Variants in ATP10D observed in about 807,000 individuals in gnomAD.
ATP10D encodes the protein ATPase phospholipid transporting 10D (putative).
Under a neutral mutation model 144.8 loss-of-function variants are expected in ATP10D, and 89 were observed. The ratio of observed to expected loss-of-function variants is 0.61; its 90% CI spans 0.52 to 0.73. ATP10D has a LOEUF of 0.73. Ranked by LOEUF, ATP10D falls within the 30% of genes least tolerant of loss-of-function variation. The pLI is 0.00. For missense variants in ATP10D, 1,603 were observed against 1,714.8 expected, an observed-to-expected ratio of 0.93 and a Z score of 1.15; for synonymous variants, 571 against 615.1, an observed-to-expected ratio of 0.93 and a Z score of 1.06.
chr4:47,561,192 C>T (rs901982600), intron 14 of ATP10D, 117 bp downstream of exon 14: 3 of 1,320,706 alleles, frequency 2.3e-6, no homozygotes, highest in Non-Finnish European at 3.2e-6. Flanking sequence ...TTCTGCCTAC[C>T]CTGTCCAGTC....
chr4:47,550,076 T>A (rs868201743), intron 10 of ATP10D, among the ~76,000 whole-genome samples: 2 of 151,500 alleles, frequency 1.3e-5, no homozygotes, highest in African/African-American at 2.4e-5. Flanking sequence ...ACGCTTAAAA[T>A]GAGTAGAGTG....
chr4:47,576,799 C>T lies in ATP10D; in HGVS notation c.3393C>T (p.Tyr1131=). 1 of 1,614,100 alleles carries T rather than the reference C, an allele frequency of 6.2e-7. No homozygotes were observed. The highest frequency in any genetic ancestry group is 8.5e-7 in the Non-Finnish European group (1 of 1,180,004). ...CCTATGTGAACCTCCTTTTCTGGTA[C>T]CAGTTCTTTTGTGGATTTTCAGGAA... is the stretch of plus-strand genomic sequence containing the variant. ...NVAYVNLLFW[Y]QFFCGFSGTS... Residue 1131 remains tyrosine, a synonymous_variant, in exon 19 of 23, where the codon TAC becomes TAT. Coordinates refer to ENST00000273859, the MANE Select transcript of ATP10D (RefSeq NM_020453.4).
intron 20 of ATP10D, 65 bp downstream of exon 20, chr4:47,580,543 C>A: frequency 6.9e-7 from 1 of 1,445,446 alleles, no homozygotes; most frequent in Non-Finnish European, 9.7e-7. Context: ...TGTACTTTGC[C>A]ACCAATTTCA....
At chr4:47,578,912 G>A (rs1720371858) in intron 19 of ATP10D, among the ~76,000 whole-genome samples, 2 of 152,234 alleles carry the variant, frequency 1.3e-5, no homozygotes, top group Admixed American at 6.5e-5. Context: ...TGTATATGGA[G>A]AATTTGTATA....
chr4:47,583,141 C>G (rs1470327938), intron 21 of ATP10D: 1 of 152,172 alleles, frequency 6.6e-6, no homozygotes, highest in Non-Finnish European at 1.5e-5. Flanking sequence ...AACCTTGTCT[C>G]TAAAAACAAA....
At chr4:47,590,975 T>TGG in intron 22 of ATP10D, 67 bp from the exon 23 acceptor site, 1 of 1,051,440 alleles carries the variant, frequency 9.5e-7, no homozygotes, top group Non-Finnish European at 1.3e-6. Flanking sequence ...TCGTTAGTAT[T>TGG]TGGGGGGGGG....
rs766181187 is a variant in ATP10D, at chr4:47,569,028, G to A, written c.3045G>A (p.Gln1015=). 1 of 1,614,260 alleles carries A rather than the reference G, an allele frequency of 6.2e-7. No homozygotes were observed. Among genetic ancestry groups the A allele is most frequent in the South Asian group, 1.1e-5 (1 of 91,092 alleles). The change falls in exon 16 of 23, where the codon CAG becomes CAA. Residue 1015 remains glutamine, a synonymous_variant. Coordinates refer to ENST00000273859, the MANE Select transcript of ATP10D (RefSeq NM_020453.4). ...CCCTGCAAGAAAGTCTGCAAAAGCA[G>A]TTCCTGGAACTGACATCTTGGTGTC... is the stretch of plus-strand genomic sequence containing the variant. The part of the protein sequence containing the change: ...EFALQESLQK[Q]FLELTSWCQA...
At chr4:47,511,243 A>T (rs1043295151) in intron 1 of ATP10D, among the ~76,000 whole-genome samples, 3 of 152,176 alleles carry the variant, frequency 2.0e-5, no homozygotes, top group African/African-American at 7.2e-5. Flanking sequence ...TGATTTAGTT[A>T]TCTATAAATA....
chr4:47,491,041 C>T, intron 1 of ATP10D: 2 of 719,746 alleles, frequency 2.8e-6, no homozygotes, highest in South Asian at 1.4e-5. Flanking sequence ...CCCATTGGCT[C>T]TCACAAAGTG....
intron 1 of ATP10D, among the ~76,000 whole-genome samples, chr4:47,486,474 C>T (rs1714763269): frequency 6.6e-6 from 1 of 152,220 alleles, no homozygotes; most frequent in South Asian, 2.1e-4. Context: ...GCTCCTCATC[C>T]ACCAATATTT....
At chr4:47,576,606 T>C (rs1720255840) in intron 18 of ATP10D, among the ~76,000 whole-genome samples, 167 bp from the exon 19 acceptor site, 1 of 152,152 alleles carries the variant, frequency 6.6e-6, no homozygotes, top group Admixed American at 6.5e-5. Context: ...TTTAATTTAA[T>C]AAAATATTTA....
At position 47,558,009 on chromosome 4, in the gene ATP10D, G is replaced by A. The variant is rs1419141118; in HGVS notation, c.2170G>A (p.Glu724Lys). The change falls in exon 12 of 23, where the codon GAG becomes AAG. Residue 724 changes from glutamate (E) to lysine (K), a missense_variant. Physicochemically the swap from Glu to Lys is moderately conservative, Grantham distance 56. Coordinates refer to ENST00000273859, the MANE Select transcript of ATP10D (RefSeq NM_020453.4). ...GQPLACNLCY[E>K]AESPDEAALV... ...GCCATTGGCCTGCAACCTGTGTTAT[G>A]AGGCCGAGAGCCCAGACGAAGCGGC... 3 of 1,614,168 alleles carry A rather than the reference G, an allele frequency of 1.9e-6. No homozygotes were observed. The highest frequency in any genetic ancestry group is 2.2e-5 in the South Asian group (2 of 91,086).
intron 11 of ATP10D, among the ~76,000 whole-genome samples, chr4:47,555,641 A>T (rs1476214732): frequency 3.3e-5 from 5 of 152,156 alleles, no homozygotes; most frequent in Non-Finnish European, 7.4e-5. Context: ...GCTTTAGTTT[A>T]TGTGCCAAAT....
intron 11 of ATP10D, among the ~76,000 whole-genome samples, chr4:47,555,936 T>G (rs1425550093): frequency 6.6e-6 from 1 of 152,106 alleles, no homozygotes; most frequent in African/African-American, 2.4e-5. Context: ...GTAGTTTTAG[T>G]AGAGACAGGG....
intron 9 of ATP10D, among the ~76,000 whole-genome samples, chr4:47,546,373 C>G (rs759468970): frequency 6.6e-6 from 1 of 151,820 alleles, no homozygotes; most frequent in Non-Finnish European, 1.5e-5. Context: ...GAGGAAAGGC[C>G]GAGAGTATGA....
chr4:47,575,846 G>A (rs1720200089), intron 18 of ATP10D, among the ~76,000 whole-genome samples: 1 of 151,944 alleles, frequency 6.6e-6, no homozygotes, highest in Admixed American at 6.6e-5. Context: ...TTCTGGTGCG[G>A]GTTTTCTTCT....
intron 1 of ATP10D, among the ~76,000 whole-genome samples, chr4:47,502,273 C>T (rs1489772975): frequency 6.6e-6 from 1 of 152,084 alleles, no homozygotes; most frequent in Non-Finnish European, 1.5e-5. Context: ...AGATCGAGAC[C>T]ATCCTGGCTA....
chr4:47,543,400 T>G (rs1205595390), intron 9 of ATP10D, among the ~76,000 whole-genome samples: 2 of 152,198 alleles, frequency 1.3e-5, no homozygotes, highest in Non-Finnish European at 2.9e-5. Context: ...TTTATCAGTC[T>G]CAGCACTATT....
Position 47,582,017 on chromosome 4 carries a change from G to T in ATP10D, c.3706G>T (p.Ala1236Ser). Residue 1236 changes from alanine to serine, a missense_variant, in exon 21 of 23, where the codon GCT becomes TCT. Physicochemically the swap from Ala to Ser is moderately conservative, Grantham distance 99. Transcript: ENST00000273859. The part of the protein sequence containing the change: ...FAFGNPLNTA[A>S]LFIVLLHLVI... ...ATTTGGAAACCCCCTGAACACAGCC[G>T]CTCTGTTCATCGTTCTCCTCCATCT... 6.2e-7 allele frequency: 1 copy of T among 1,614,044 alleles called. No individual in the cohort carries two copies. The highest frequency in any genetic ancestry group is 8.5e-7 in the Non-Finnish European group (1 of 1,179,960).
Sources: allele counts gnomAD v4.1 joint callset (sites outside exome capture counted in the v4.1 genomes callset), GRCh38; gene constraint gnomAD v4.1.1; transcripts MANE v1.5; gene names NCBI Gene and HGNC (gene_info 2026-07-23, HGNC 2026-07-21).